Variants in AARS2 observed in about 807,000 individuals in gnomAD.
AARS2 encodes the protein alanine--tRNA ligase, mitochondrial.
A neutral mutation model predicts 119.7 loss-of-function variants in AARS2; 78 were observed. That is an observed-to-expected ratio of 0.65 (90% CI 0.54 to 0.79). The LOEUF (loss-of-function observed/expected upper bound fraction) is 0.79. Among genes scored for constraint, AARS2 ranks in the 30% least tolerant of loss-of-function variants. AARS2 has a pLI of 0.00. For missense variants in AARS2, 1,157 were observed against 1,291.3 expected (o/e 0.90, Z 1.59); for synonymous variants, 502 against 526.3 (o/e 0.95, Z 0.63).
chr6:44,306,458 C>G, intron 8 of AARS2, 36 bp downstream of exon 8: 1 of 1,614,102 alleles, frequency 6.2e-7, no homozygotes, highest in Non-Finnish European at 8.5e-7. Flanking sequence ...CACAACTCTC[C>G]CATCAACCCC....
intron 17 of AARS2, 144 bp from the exon 18 acceptor site, chr6:44,302,657 G>T: frequency 6.8e-7 from 1 of 1,472,220 alleles, no homozygotes; most frequent in Non-Finnish European, 9.3e-7. Flanking sequence ...ACACATGCCA[G>T]CTGCCAATAG....
chr6:44,305,274 C>A lies in AARS2; in HGVS notation c.1435-76G>T. ...AAAGTGGGACTTCAGCCTCGCAGGG[C>A]CCTGTCCCTGCCACACAGCTGTGGA... On this transcript the variant is annotated intron_variant, in intron 10 of 21. Transcript: ENST00000244571. The surrounding 1 kb of genome is among the most constrained non-coding windows in gnomAD (Gnocchi z 4.6). 1.3e-6 allele frequency: 2 copies of A among 1,581,250 alleles called. No homozygotes were observed. The highest frequency in any genetic ancestry group is 2.2e-5 in the South Asian group (2 of 90,412).
At chr6:44,308,125 C>A (rs1400667898) in intron 5 of AARS2, among the ~76,000 whole-genome samples, 1 of 152,210 alleles carries the variant, frequency 6.6e-6, no homozygotes, top group Non-Finnish European at 1.5e-5. Context: ...CTGCTATTAT[C>A]CGAAGCATGC....
chr6:44,306,873 C>T, intron 7 of AARS2, 50 bp downstream of exon 7: 2 of 1,566,368 alleles, frequency 1.3e-6, no homozygotes, highest in Non-Finnish European at 1.8e-6. Flanking sequence ...GTGGTAGGCT[C>T]CCCAAAGTGC....
intron 7 of AARS2, 114 bp from the exon 8 acceptor site, chr6:44,306,646 G>A: frequency 7.8e-7 from 1 of 1,274,426 alleles, no homozygotes; most frequent in Non-Finnish European, 1.1e-6. Context: ...ACATTGAGGG[G>A]CTGGGAGAGG....
rs368303351 is a variant in AARS2 at position 44,305,188 on chromosome 6, C to T, written c.1445G>A (p.Arg482Gln). The T allele has an allele frequency of 2.0e-5, 33 of 1,612,152 alleles. No individual in the cohort carries two copies. Among genetic ancestry groups the T allele is most frequent in the Middle Eastern group, 1.9e-4 (1 of 5,346 alleles). ...CTGCTTCTGAACTGGCTCAGCCTGC[C>T]GTGCCCGGTGCTGCAGGGTGGGCAT... ...LAQEEAQHRA[R>Q]QAEPVQKQGL... Residue 482 changes from arginine to glutamine, a missense_variant, in exon 11 of 22, where the codon CGG becomes CAG. Coordinates refer to ENST00000244571, the MANE Select transcript of AARS2 (RefSeq NM_020745.4). This position sits in a 1 kb window ranked among gnomAD's most constrained non-coding sequence, Gnocchi z 4.6.
Position 44,302,073 on chromosome 6 carries a change from A to C in AARS2, c.2585T>G (p.Leu862Arg), listed in dbSNP as rs1298648687. ...ACCTCCTCTCACCTGTCCCATTTGC[A>C]GCTTACGGATGGCAGTGTTGGCACG... Reference protein sequence around the residue: ...QRRANTAIRKLQMGQAAKKTQ... With the variant: ...QRRANTAIRKRQMGQAAKKTQ... The change falls in exon 19 of 22, where the codon CTG (leucine) becomes CGG (arginine). Residue 862 changes from leucine to arginine, a missense_variant. Transcript: ENST00000244571. The C allele has an allele frequency of 6.2e-7, 1 of 1,614,082 alleles. No homozygotes were observed. The highest frequency in any genetic ancestry group is 1.1e-5 in the South Asian group (1 of 91,082).
At chr6:44,309,202 T>G (rs571544878) in intron 5 of AARS2, among the ~76,000 whole-genome samples, 1 of 152,310 alleles carries the variant, frequency 6.6e-6, no homozygotes, top group South Asian at 2.1e-4. Context: ...AGCTGTGATG[T>G]GGACAAGCCC....
rs760048399 is a variant in AARS2 at position 44,305,494 on chromosome 6, C to G, written c.1434+159G>C. Among the ~76,000 whole-genome samples the G allele has an allele frequency of 6.6e-6, 1 of 152,234 alleles. No homozygotes were observed. The highest frequency in any genetic ancestry group is 2.1e-4 in the South Asian group (1 of 4,838). On this transcript the variant is annotated intron_variant, in intron 10 of 21. Coordinates refer to ENST00000244571, the MANE Select transcript of AARS2 (RefSeq NM_020745.4). The surrounding 1 kb of genome is among the most constrained non-coding windows in gnomAD (Gnocchi z 4.6). Reference sequence around the variant, plus strand: ...GCCCATTGGCTAGTTTTGCTTTCTACTGGTTGTGGCCTGAGGTTTTAGAAA... The same window carrying G: ...GCCCATTGGCTAGTTTTGCTTTCTAGTGGTTGTGGCCTGAGGTTTTAGAAA...
intron 14 of AARS2, among the ~76,000 whole-genome samples, chr6:44,303,828 G>A (rs922147152): frequency 3.3e-5 from 5 of 152,228 alleles, no homozygotes; most frequent in Admixed American, 6.5e-5. Flanking sequence ...TGTAAGAAGC[G>A]CAGGGAGACA....
intron 5 of AARS2, among the ~76,000 whole-genome samples, chr6:44,308,742 G>A (rs1312323204): frequency 6.6e-6 from 1 of 152,100 alleles, no homozygotes; most frequent in Non-Finnish European, 1.5e-5. Flanking sequence ...TGGGACTACA[G>A]GTGTGTGCCA....
rs1352528613 is a variant in AARS2, at chr6:44,302,071, G to A, written c.2587C>T (p.Gln863Ter). ...RRANTAIRKL[Q>*]MGQAAKKTQE... ...AAACCTCCTCTCACCTGTCCCATTT[G>A]CAGCTTACGGATGGCAGTGTTGGCA... The change falls in exon 19 of 22, where the codon CAA becomes TAA. Residue 863 changes from glutamine to a stop codon, truncating the protein, a stop_gained. Coordinates refer to ENST00000244571, the MANE Select transcript of AARS2 (RefSeq NM_020745.4). LOFTEE classifies it high-confidence loss of function. 6 of 1,614,120 alleles carry A rather than the reference G, an allele frequency of 3.7e-6. No individual in the cohort carries two copies. The highest frequency in any genetic ancestry group is 5.1e-6 in the Non-Finnish European group (6 of 1,180,018).
At chr6:44,309,187 TGCTGA>T (rs1786138044) in intron 5 of AARS2, among the ~76,000 whole-genome samples, 1 of 152,204 alleles carries the variant, frequency 6.6e-6, no homozygotes, top group Admixed American at 6.5e-5. Flanking sequence ...CTTGGAACCT[TGCTGA>T]GCTGTGATGT....
Position 44,302,215 on chromosome 6 carries a change from T to C in AARS2, c.2488-45A>G, listed in dbSNP as rs753711900. 9.3e-6 allele frequency: 15 copies of C among 1,612,474 alleles called. No homozygotes were observed. In the East Asian group the frequency reaches 2.7e-4, roughly 29 times the overall value. ...ATCACCCCTGCCCTTCCCTGAGCCA[T>C]AGTCTCTGAGGTAGGGACCAGCAGG... is the stretch of plus-strand genomic sequence containing the variant. On this transcript the variant is annotated intron_variant, in intron 18 of 21. Coordinates refer to ENST00000244571, the MANE Select transcript of AARS2 (RefSeq NM_020745.4).
chr6:44,300,780 C>G (rs1785288848), intron 21 of AARS2, 69 bp from the exon 22 acceptor site: 1 of 1,565,680 alleles, frequency 6.4e-7, no homozygotes, highest in Non-Finnish European at 8.7e-7. Context: ...TCAAGGTACC[C>G]TCAAGAGTGG....
intron 7 of AARS2, among the ~76,000 whole-genome samples, 168 bp downstream of exon 7, chr6:44,306,755 G>C (rs1243109346): frequency 6.6e-6 from 1 of 152,146 alleles, no homozygotes; most frequent in Non-Finnish European, 1.5e-5. Flanking sequence ...AAGTTCTCCT[G>C]CTTCTTGTAA....
rs541960326 is a variant in AARS2 at position 44,299,472 on chromosome 6, G to A, written c.*1075C>T. 6.0e-5 allele frequency among the ~76,000 whole-genome samples: 9 copies of A among 150,724 alleles called. No individual in the cohort carries two copies. Among genetic ancestry groups the A allele is most frequent in the South Asian group, 4.2e-4 (2 of 4,748 alleles). ...TTGTAGACAGGGTCTTGCTGTTTGC[G>A]CAGGCTGGTCTTGCACTTCTGGCCT... On this transcript the variant is annotated 3_prime_UTR_variant, in exon 22 of 22. Coordinates refer to ENST00000244571, the MANE Select transcript of AARS2 (RefSeq NM_020745.4).
rs199919912 is a variant in AARS2, at chr6:44,310,432, C to G, written c.761G>C (p.Gly254Ala). 5.6e-5 allele frequency: 90 copies of G among 1,613,706 alleles called. No homozygotes were observed. In the East Asian group the frequency reaches 1.7e-3, roughly 30 times the overall value. The stretch of plus-strand genomic sequence containing the variant: ...CCGCTGGGGCAGGGGCTGCAGGCTT[C>G]CATCTGCCTCTCTGGCCAGGGAAGG... ...VFMQHNREADGSLQPLPQRHV... is the reference protein window; with the variant it reads ...VFMQHNREADASLQPLPQRHV... Residue 254 changes from glycine to alanine, a missense_variant, in exon 5 of 22, where the codon GGA (glycine) becomes GCA (alanine). Coordinates refer to ENST00000244571, the MANE Select transcript of AARS2 (RefSeq NM_020745.4).
At position 44,307,121 on chromosome 6, in the gene AARS2, C is replaced by G; in HGVS notation, c.1041-90G>C. The G allele has an allele frequency of 6.3e-7, 1 of 1,589,068 alleles. No individual in the cohort carries two copies. Among genetic ancestry groups the G allele is most frequent in the Non-Finnish European group, 8.6e-7 (1 of 1,162,644 alleles). On this transcript the variant is annotated intron_variant, in intron 6 of 21. Coordinates refer to ENST00000244571, the MANE Select transcript of AARS2 (RefSeq NM_020745.4). This position sits in a 1 kb window ranked among gnomAD's most constrained non-coding sequence, Gnocchi z 4.4. ...GAAGGACGAGGTCCAGTGTGTGCTCCCACCTCAAAGCTCTCCCTCTCCCCA... is the reference window on the plus strand; with the variant it reads ...GAAGGACGAGGTCCAGTGTGTGCTCGCACCTCAAAGCTCTCCCTCTCCCCA...
Sources: gnomAD v4.1 joint callset for allele counts (sites outside exome capture counted in the v4.1 genomes callset) on GRCh38, gnomAD v4.1.1 for gene constraint, Gnocchi (gnomAD v3.1) non-coding constraint, MANE v1.5 for transcripts, NCBI Gene and HGNC (gene_info 2026-07-23, HGNC 2026-07-21) for gene names.